SERPINF1: variants seen among roughly 807,000 people sequenced by gnomAD.
SERPINF1 encodes the protein serpin family F member 1.
SERPINF1 carries 29 observed loss-of-function variants against 37.3 expected under a neutral mutation model. That is an observed-to-expected ratio of 0.78 (90% CI 0.58 to 1.06). The LOEUF (loss-of-function observed/expected upper bound fraction) is 1.06, where lower values mean the gene tolerates loss of function less well. SERPINF1 is among the 50% of genes least tolerant of loss of function. The probability of loss-of-function intolerance (pLI) is 0.00; values close to 1 mark genes in which losing one functional copy is unlikely to be tolerated. For synonymous variants in SERPINF1, 281 were observed against 227.9 expected (o/e 1.23, Z -2.10); for missense variants, 553 against 532.2 (o/e 1.04, Z -0.38).
At chr17:1,776,862 A>G in intron 7 of SERPINF1, 120 bp downstream of exon 7, 1 of 925,700 alleles carries the variant, frequency 1.1e-6, no homozygotes, top group Non-Finnish European at 1.7e-6. Flanking sequence ...GCCGTGGATG[A>G]GTCCTTAATC....
chr17:1,764,113 T>A (rs1381688714), intron 1 of SERPINF1, among the ~76,000 whole-genome samples: 1 of 152,028 alleles, frequency 6.6e-6, no homozygotes, highest in Non-Finnish European at 1.5e-5. Flanking sequence ...ACCCGGGAGG[T>A]GGAAGTTGCA....
intron 4 of SERPINF1, 73 bp from the exon 5 acceptor site, chr17:1,771,799 C>T: frequency 1.4e-6 from 2 of 1,476,408 alleles, no homozygotes; most frequent in Non-Finnish European, 1.9e-6. Flanking sequence ...AGAACCCGAG[C>T]CTGGCAGGCT....
At chr17:1,773,370 C>T (rs374736993) in intron 5 of SERPINF1, among the ~76,000 whole-genome samples, 2 of 152,130 alleles carry the variant, frequency 1.3e-5, no homozygotes, top group African/African-American at 4.8e-5. Flanking sequence ...CTCAGCCTCC[C>T]GAGTAGTTGG....
rs569587883 is a variant in SERPINF1, at chr17:1,772,202, C to T, written c.643+127C>T. The T allele has an allele frequency of 4.3e-5, 43 of 996,568 alleles. 1 individual carries two copies. The highest frequency in any genetic ancestry group is 1.6e-4 in the East Asian group (6 of 36,422). 61.7% of individuals were successfully genotyped at this position (996,568 alleles called of 1,614,324 possible). On this transcript the variant is annotated intron_variant, in intron 5 of 7. Transcript: ENST00000254722. ...TGCGATCTCAGCTCAATGCAACCTC[C>T]GCCTCCCAGGTTCAAGCAATTCTTG...
chr17:1,771,406 T>G (rs920403620), intron 4 of SERPINF1, among the ~76,000 whole-genome samples: 2 of 151,772 alleles, frequency 1.3e-5, no homozygotes, highest in African/African-American at 2.4e-5. Flanking sequence ...CCAGCTAATC[T>G]TTTTTGTATT....
At chr17:1,773,037 C>CAA (rs1907841003) in intron 5 of SERPINF1, among the ~76,000 whole-genome samples, 1 of 152,116 alleles carries the variant, frequency 6.6e-6, no homozygotes, top group Non-Finnish European at 1.5e-5. Context: ...AGGGAGGTGT[C>CAA]AAAGACCTTG....
intron 1 of SERPINF1, among the ~76,000 whole-genome samples, chr17:1,763,188 C>T (rs1907187036): frequency 6.6e-6 from 1 of 152,202 alleles, no homozygotes; most frequent in Non-Finnish European, 1.5e-5. Flanking sequence ...CCCATGCTAT[C>T]TCCGAGGCCC....
At chr17:1,770,993 T>C in intron 3 of SERPINF1, 36 bp from the exon 4 acceptor site, 1 of 1,613,528 alleles carries the variant, frequency 6.2e-7, no homozygotes, top group Admixed American at 1.7e-5. Flanking sequence ...GGCCCTGGTG[T>C]GCAGTTATCA....
intron 1 of SERPINF1, chr17:1,766,664 A>G (rs918620822): frequency 2.9e-5 from 15 of 519,382 alleles, no homozygotes; most frequent in Non-Finnish European, 4.8e-5. Flanking sequence ...AGCTTATGGT[A>G]TGACTGTGGG....
intron 2 of SERPINF1, among the ~76,000 whole-genome samples, chr17:1,768,918 G>A (rs965002581): frequency 2.6e-5 from 4 of 151,936 alleles, no homozygotes; most frequent in African/African-American, 9.7e-5. Context: ...CGAATCTCGT[G>A]CCTCAGCCTC....
intron 4 of SERPINF1, 194 bp from the exon 5 acceptor site, chr17:1,771,678 T>C: frequency 4.7e-6 from 3 of 642,530 alleles, no homozygotes; most frequent in East Asian, 2.8e-5. Flanking sequence ...AGTGGCGCGA[T>C]GTGGGGAAAT....
At position 1,776,524 on chromosome 17, in the gene SERPINF1, T is replaced by A; in HGVS notation, c.787-8T>A. On this transcript the variant is annotated splice_region_variant and splice_polypyrimidine_tract_variant and intron_variant, in intron 6 of 7. Coordinates refer to ENST00000254722, the MANE Select transcript of SERPINF1 (RefSeq NM_002615.7). The stretch of plus-strand genomic sequence containing the variant: ...AGGACTAACCACATGCTTTCTCACT[T>A]GTCTCAGATTGCCCAGCTGCCCTTG... 1 of 1,613,946 alleles carries A rather than the reference T, an allele frequency of 6.2e-7. No homozygotes were observed.
intron 6 of SERPINF1, among the ~76,000 whole-genome samples, chr17:1,775,484 T>C (rs1907973948): frequency 6.6e-6 from 1 of 151,654 alleles, no homozygotes; most frequent in Middle Eastern, 3.2e-3. Flanking sequence ...CTCTTGAGAC[T>C]CCTATTTCTA....
At chr17:1,763,452 C>T (rs1388687390) in intron 1 of SERPINF1, among the ~76,000 whole-genome samples, 7 of 152,302 alleles carry the variant, frequency 4.6e-5, no homozygotes, top group Admixed American at 3.9e-4. Flanking sequence ...AGGACGAGAG[C>T]GGGGCTTGGA....
At chr17:1,773,245 GATTT>G (rs371510708) in intron 5 of SERPINF1, among the ~76,000 whole-genome samples, 13 of 152,166 alleles carry the variant, frequency 8.5e-5, no homozygotes, top group East Asian at 7.7e-4. Context: ...AGTCAGACAA[GATTT>G]ATTTATTTAT....
In SERPINF1 at chr17:1,776,668, T is replaced by C. The variant is rs753289929; in HGVS notation, c.923T>C (p.Val308Ala). Residue 308 changes from valine (V) to alanine (A), a missense_variant, in exon 7 of 8, where the codon GTG (valine) becomes GCG (alanine). Transcript: ENST00000254722. ...GACATAGACCGAGAACTGAAGACCGTGCAGGCGGTCCTCACTGTCCCCAAG... is the reference window on the plus strand; with the variant it reads ...GACATAGACCGAGAACTGAAGACCGCGCAGGCGGTCCTCACTGTCCCCAAG... ...IHDIDRELKTVQAVLTVPKLK... is the reference protein window; with the variant it reads ...IHDIDRELKTAQAVLTVPKLK... 3.7e-6 allele frequency: 6 copies of C among 1,613,790 alleles called. No homozygotes were observed. The highest frequency in any genetic ancestry group is 1.7e-5 in the Admixed American group (1 of 59,978).
chr17:1,769,579 G>A (rs1022958540), intron 2 of SERPINF1: 8 of 507,088 alleles, frequency 1.6e-5, no homozygotes, highest in South Asian at 4.2e-5. Context: ...AGCTGAGATC[G>A]CGCCACTGAA....
At chr17:1,771,590 G>A (rs564436697) in intron 4 of SERPINF1, 1 of 499,986 alleles carries the variant, frequency 2.0e-6, no homozygotes, top group East Asian at 3.8e-5. Flanking sequence ...CACTGGTGTG[G>A]AGGAAGGGCC....
At chr17:1,771,806 G>C in intron 4 of SERPINF1, 66 bp from the exon 5 acceptor site, 1 of 1,511,434 alleles carries the variant, frequency 6.6e-7, no homozygotes, top group Non-Finnish European at 9.1e-7. Flanking sequence ...GAGCCTGGCA[G>C]GCTCTCAAAG....
Sources: allele counts gnomAD v4.1 joint callset (sites outside exome capture counted in the v4.1 genomes callset), GRCh38; gene constraint gnomAD v4.1.1; transcripts MANE v1.5; gene names NCBI Gene and HGNC (gene_info 2026-07-23, HGNC 2026-07-21).